HSD17B3: variants seen among roughly 807,000 people sequenced by gnomAD.
HSD17B3 encodes 17-beta-hydroxysteroid dehydrogenase type 3.
Under a neutral mutation model 41.1 loss-of-function variants are expected in HSD17B3, and 29 were observed. The observed-to-expected ratio is 0.71, with a 90% confidence interval of 0.53 to 0.96. HSD17B3 has a LOEUF of 0.96. Among genes scored for constraint, HSD17B3 ranks in the 40% least tolerant of loss-of-function variants. The probability of loss-of-function intolerance (pLI) is 0.00; values close to 1 mark genes in which losing one functional copy is unlikely to be tolerated. For synonymous variants in HSD17B3, 126 were observed against 145.6 expected, an observed-to-expected ratio of 0.87 and a Z score of 0.97; for missense variants, 323 against 374.6, an observed-to-expected ratio of 0.86 and a Z score of 1.14.
At chr9:96,250,470 C>T in intron 5 of HSD17B3, 7 of 1,061,364 alleles carry the variant, frequency 6.6e-6, no homozygotes, top group Non-Finnish European at 8.0e-6. Context: ...GGGGCTTACA[C>T]AGGACGATGG....
At chr9:96,287,869 C>CAAAAAAAAA (rs35941200) in intron 2 of HSD17B3, among the ~76,000 whole-genome samples, 1 of 116,068 alleles carries the variant, frequency 8.6e-6, no homozygotes, top group African/African-American at 2.9e-5. Context: ...TCATAATAGC[C>CAAAAAAAAA]AAAAAAAAAA....
At chr9:96,259,715 C>T (rs540241804) in intron 2 of HSD17B3, among the ~76,000 whole-genome samples, 64 of 118,124 alleles carry the variant, frequency 5.4e-4, no homozygotes, top group African/African-American at 2.2e-3. Context: ...AACAAGACTC[C>T]GTCTCAAAAG....
At chr9:96,258,229 T>G (rs1370824111) in intron 2 of HSD17B3, among the ~76,000 whole-genome samples, 1 of 152,228 alleles carries the variant, frequency 6.6e-6, no homozygotes, top group Non-Finnish European at 1.5e-5. Flanking sequence ...ATGTTTTCTT[T>G]GTTTTATATG....
At chr9:96,247,543 T>C (rs1005466755) in intron 6 of HSD17B3, among the ~76,000 whole-genome samples, 2 of 152,182 alleles carry the variant, frequency 1.3e-5, no homozygotes, top group Middle Eastern at 3.4e-3. Context: ...GCCAGGGCAG[T>C]GGAGGGGGTG....
chr9:96,277,835 GCACACACACACACA>G (rs3222260), intron 2 of HSD17B3, among the ~76,000 whole-genome samples: 5 of 146,036 alleles, frequency 3.4e-5, no homozygotes, highest in Admixed American at 6.9e-5. Flanking sequence ...GGAAAATGTG[GCACACACACACACA>G]CACACACACA....
intron 2 of HSD17B3, among the ~76,000 whole-genome samples, chr9:96,272,373 A>C (rs1587757220): frequency 4.3e-3 from 19 of 4,414 alleles, no homozygotes; most frequent in Non-Finnish European, 5.0e-3. Flanking sequence ...GTAAGACTGC[A>C]TCTCTCTCTC....
chr9:96,281,362 T>G (rs1440701628), intron 2 of HSD17B3, among the ~76,000 whole-genome samples: 1 of 151,924 alleles, frequency 6.6e-6, no homozygotes, highest in Non-Finnish European at 1.5e-5. Context: ...TGGGGCGCAT[T>G]TACCCGGGTA....
chr9:96,235,566 C>T lies in HSD17B3; in HGVS notation c.827G>A (p.Gly276Asp). ...CGCLAHEILA[G>D]FLSLIPAWAF... ...CCAGGCCGGGATCAGGCTCAGAAAG[C>T]CCGCCTTAAACAGAGAGAAGCATCA... The change falls in exon 11 of 11, where the codon GGC becomes GAC. Residue 276 changes from glycine to aspartate, a missense_variant. Physicochemically the swap from Gly to Asp is moderately conservative, Grantham distance 94 (BLOSUM62 -1). Transcript: ENST00000375263. 2 of 1,613,616 alleles carry T rather than the reference C, an allele frequency of 1.2e-6. No individual in the cohort carries two copies. The highest frequency in any genetic ancestry group is 1.7e-6 in the Non-Finnish European group (2 of 1,179,754).
At chr9:96,277,835 G>GCACACACACACACACA (rs3222260) in intron 2 of HSD17B3, among the ~76,000 whole-genome samples, 19 of 146,036 alleles carry the variant, frequency 1.3e-4, no homozygotes, top group African/African-American at 4.8e-4. Context: ...GGAAAATGTG[G>GCACACACACACACACA]CACACACACA....
intron 2 of HSD17B3, among the ~76,000 whole-genome samples, chr9:96,291,244 C>G (rs1172118574): frequency 6.6e-6 from 1 of 152,128 alleles, no homozygotes. Context: ...ACGAGGCCAC[C>G]TCTCCCAAGT....
Position 96,255,946 on chromosome 9 carries a change from G to A in HSD17B3, c.202-1003C>T, listed in dbSNP as rs141842186. 4.0e-3 allele frequency among the ~76,000 whole-genome samples: 604 copies of A among 152,306 alleles called. 1 individual carries two copies. Among genetic ancestry groups the A allele is most frequent in the Middle Eastern group, 6.8e-3 (2 of 294 alleles). ...CACAGAGCAGTCAGAGAGATTCCGC[G>A]GGGGACACGTAAACGTGGAGCGCTG... On this transcript the variant is annotated intron_variant, in intron 2 of 10. Coordinates refer to ENST00000375263, the MANE Select transcript of HSD17B3 (RefSeq NM_000197.2).
intron 9 of HSD17B3, among the ~76,000 whole-genome samples, chr9:96,241,890 G>A (rs143847933): frequency 0.046 from 6,874 of 149,408 alleles, 275 homozygotes; most frequent in Admixed American, 0.13. Context: ...AGCCAAGATC[G>A]TGCCACTACA....
At position 96,251,499 on chromosome 9, in the gene HSD17B3, G is replaced by T; in HGVS notation, c.386-14C>A. 1 of 1,612,854 alleles carries T rather than the reference G, an allele frequency of 6.2e-7. No homozygotes were observed. Among genetic ancestry groups the T allele is most frequent in the Non-Finnish European group, 8.5e-7 (1 of 1,178,888 alleles). The stretch of plus-strand genomic sequence containing the variant: ...CGACATTGTTGACTGGCAGAAAGAA[G>T]CAAAACAAAAATGTGTCAGAAGATC... On this transcript the variant is annotated splice_polypyrimidine_tract_variant and intron_variant, in intron 4 of 10. Coordinates refer to ENST00000375263, the MANE Select transcript of HSD17B3 (RefSeq NM_000197.2).
chr9:96,300,607 T>TTGTGTGTGTGTGTGTG lies in HSD17B3; in HGVS notation c.154+1328_154+1343dup, dbSNP rs10545828. ...TTAATCATTTTTGTCATTGGATTCT[T>TTGTGTGTGTGTGTGTG]TGTGTGTGTGTGTGTGTGTGTGTGT... On this transcript the variant is annotated intron_variant, in intron 1 of 10. Coordinates refer to ENST00000375263, the MANE Select transcript of HSD17B3 (RefSeq NM_000197.2). Among the ~76,000 whole-genome samples the TTGTGTGTGTGTGTGTG allele has an allele frequency of 1.3e-4, 14 of 109,886 alleles. 1 individual carries two copies. Among genetic ancestry groups the TTGTGTGTGTGTGTGTG allele is most frequent in the African/African-American group, 4.2e-4 (14 of 33,478 alleles). The allele number at this position is 109,886 out of a possible 152,430, so 72.1% of individuals were successfully genotyped here. A position where few individuals can be genotyped will look rare whatever the true frequency, so the allele number is the denominator to read the frequency against.
At chr9:96,250,504 G>T (rs1836853829) in intron 5 of HSD17B3, 4 of 1,046,454 alleles carry the variant, frequency 3.8e-6, no homozygotes, top group Non-Finnish European at 4.6e-6. Flanking sequence ...GTGGGGAATG[G>T]AAGCATGAGA....
At chr9:96,273,886 G>A (rs1826354245) in intron 2 of HSD17B3, among the ~76,000 whole-genome samples, 1 of 152,096 alleles carries the variant, frequency 6.6e-6, no homozygotes, top group East Asian at 1.9e-4. Flanking sequence ...ACAGAATCCA[G>A]CCACCTCCCT....
intron 2 of HSD17B3, among the ~76,000 whole-genome samples, chr9:96,295,788 A>G (rs1827337192): frequency 6.6e-6 from 1 of 152,166 alleles, no homozygotes; most frequent in Non-Finnish European, 1.5e-5. Context: ...TGGGTACTGT[A>G]CTGTAGTTGA....
At chr9:96,236,848 A>C (rs1282811189) in intron 10 of HSD17B3, among the ~76,000 whole-genome samples, 1 of 152,116 alleles carries the variant, frequency 6.6e-6, no homozygotes, top group Non-Finnish European at 1.5e-5. Context: ...GATTCACAGC[A>C]TAACTTTATT....
intron 2 of HSD17B3, among the ~76,000 whole-genome samples, chr9:96,288,797 G>T (rs1587783219): frequency 6.6e-6 from 1 of 152,014 alleles, no homozygotes; most frequent in African/African-American, 2.4e-5. Flanking sequence ...AATTAGCCAG[G>T]CGTGGTGTGG....
Sources: allele counts gnomAD v4.1 joint callset (sites outside exome capture counted in the v4.1 genomes callset), GRCh38; gene constraint gnomAD v4.1.1; transcripts MANE v1.5; gene names NCBI Gene and HGNC (gene_info 2026-07-23, HGNC 2026-07-21).